Variants in SLC28A3 observed in about 807,000 individuals in gnomAD.
SLC28A3 encodes the protein concentrative Na(+)-nucleoside cotransporter 3.
A neutral mutation model predicts 84.2 loss-of-function variants in SLC28A3; 68 were observed. That is an observed-to-expected ratio of 0.81 (90% CI 0.66 to 0.99). The LOEUF (loss-of-function observed/expected upper bound fraction) is 0.99, where lower values mean the gene tolerates loss of function less well. Among genes scored for constraint, SLC28A3 ranks in the 50% least tolerant of loss-of-function variants. SLC28A3 has a pLI of 0.00. For synonymous variants in SLC28A3, 267 were observed against 303.6 expected (o/e 0.88, Z 1.25); for missense variants, 712 against 841.5 (o/e 0.85, Z 1.90).
chr9:84,358,360 T>TC, the SLC28A3 span, among the ~76,000 whole-genome samples: 7 of 151,842 alleles, frequency 4.6e-5, no homozygotes, highest in Admixed American at 2.0e-4. Context: ...CTTAACACCC[T>TC]CCCCCAACAA....
At chr9:84,325,847 A>C (rs1826528243) in intron 1 of SLC28A3, among the ~76,000 whole-genome samples, 1 of 152,138 alleles carries the variant, frequency 6.6e-6, no homozygotes, top group African/African-American at 2.4e-5. Context: ...AGAAATCTCT[A>C]TCTCCATTTT....
chr9:84,318,547 A>G (rs1022443660), intron 1 of SLC28A3, among the ~76,000 whole-genome samples: 8 of 152,180 alleles, frequency 5.3e-5, no homozygotes, highest in Non-Finnish European at 7.3e-5. Context: ...GAGTTTTAAG[A>G]AAGTTTAAAC....
chr9:84,328,587 C>CA (rs1300344070), intron 1 of SLC28A3, among the ~76,000 whole-genome samples: 1 of 151,970 alleles, frequency 6.6e-6, no homozygotes, highest in African/African-American at 2.4e-5. Flanking sequence ...GGTGAAACCC[C>CA]ATCTCTACTA....
chr9:84,285,895 A>AAGAT, intron 13 of SLC28A3, 48 bp downstream of exon 13: 1 of 1,573,058 alleles, frequency 6.4e-7, no homozygotes, highest in Non-Finnish European at 8.6e-7. Flanking sequence ...TTTTTAAACA[A>AAGAT]AGATAGGCAG....
intron 6 of SLC28A3, among the ~76,000 whole-genome samples, chr9:84,298,756 C>A (rs1825513485): frequency 6.6e-6 from 1 of 152,196 alleles, no homozygotes; most frequent in Non-Finnish European, 1.5e-5. Context: ...GTTGATCTGA[C>A]AACCTGTAAG....
chr9:84,305,241 C>G lies in SLC28A3; in HGVS notation c.334+13G>C. On this transcript the variant is annotated intron_variant, in intron 4 of 17. Coordinates refer to ENST00000376238, the MANE Select transcript of SLC28A3 (RefSeq NM_001199633.2). ...AAAAGACAGTGGTATCCCTAACCAT[C>G]TTTGTTATTTACCTGCTAATAAAAT... 1 of 1,563,326 alleles carries G rather than the reference C, an allele frequency of 6.4e-7. No individual in the cohort carries two copies. The highest frequency in any genetic ancestry group is 8.7e-7 in the Non-Finnish European group (1 of 1,143,114).
At chr9:84,335,175 T>G (rs1279620877) in intron 1 of SLC28A3, among the ~76,000 whole-genome samples, 2 of 152,182 alleles carry the variant, frequency 1.3e-5, no homozygotes, top group African/African-American at 4.8e-5. Flanking sequence ...GGAGTCAACT[T>G]AATTTCAACC....
At chr9:84,350,443 A>AAAATAAATAAATAAAT in the SLC28A3 span, among the ~76,000 whole-genome samples, 1 of 151,404 alleles carries the variant, frequency 6.6e-6, no homozygotes, top group African/African-American at 2.4e-5. Flanking sequence ...CCAGGTCTCA[A>AAAATAAATAAATAAAT]AAATAAATAA....
At chr9:84,299,842 G>T in intron 5 of SLC28A3, 117 bp from the exon 6 acceptor site, 2 of 1,169,116 alleles carry the variant, frequency 1.7e-6, no homozygotes, top group South Asian at 1.7e-5. Context: ...GCCCAGGCTG[G>T]AGTAGAATGG....
chr9:84,287,913 A>G, intron 12 of SLC28A3, 135 bp downstream of exon 12: 2 of 1,206,962 alleles, frequency 1.7e-6, no homozygotes, highest in Non-Finnish European at 2.3e-6. Flanking sequence ...TGTGAAGTCT[A>G]AATAGTCTTT....
intron 1 of SLC28A3, among the ~76,000 whole-genome samples, chr9:84,337,233 T>G (rs769969941): frequency 2.0e-5 from 3 of 152,212 alleles, no homozygotes; most frequent in African/African-American, 4.8e-5. Flanking sequence ...TCCTTCTCCT[T>G]GAGGGCAAGA....
intron 1 of SLC28A3, among the ~76,000 whole-genome samples, chr9:84,320,971 G>GA (rs58560056): frequency 0.44 from 56,747 of 128,290 alleles, 12,314 homozygotes; most frequent in African/African-American, 0.59. Flanking sequence ...CATCTCAAAA[G>GA]AAAAAAAAAA....
chr9:84,360,002 C>CAAA, the SLC28A3 span, among the ~76,000 whole-genome samples: 16 of 56,088 alleles, frequency 2.9e-4, no homozygotes, highest in African/African-American at 3.4e-4. Flanking sequence ...AACTCTGTCT[C>CAAA]AAAAAAAAAA....
the SLC28A3 span, among the ~76,000 whole-genome samples, chr9:84,353,906 T>C: frequency 3.4e-3 from 521 of 152,312 alleles, 2 homozygotes; most frequent in African/African-American, 0.012. Flanking sequence ...TCAAAACCAA[T>C]CATTCCAGGT....
At chr9:84,325,537 A>G (rs1210775653) in intron 1 of SLC28A3, among the ~76,000 whole-genome samples, 1 of 152,246 alleles carries the variant, frequency 6.6e-6, no homozygotes, top group Non-Finnish European at 1.5e-5. Context: ...TTGGTTTGCC[A>G]TTGTTTAATT....
chr9:84,356,767 G>A, the SLC28A3 span, among the ~76,000 whole-genome samples: 7 of 151,936 alleles, frequency 4.6e-5, no homozygotes, highest in Non-Finnish European at 1.0e-4. Flanking sequence ...GGAAGCAGAG[G>A]TTGCAGTGAG....
At chr9:84,316,240 C>G (rs976069865) in intron 1 of SLC28A3, among the ~76,000 whole-genome samples, 3 of 152,184 alleles carry the variant, frequency 2.0e-5, no homozygotes, top group African/African-American at 7.2e-5. Flanking sequence ...TTCTAGAACA[C>G]TGGAAATTTC....
chr9:84,332,918 T>C (rs900750211), intron 1 of SLC28A3, among the ~76,000 whole-genome samples: 1 of 152,182 alleles, frequency 6.6e-6, no homozygotes, highest in Non-Finnish European at 1.5e-5. Flanking sequence ...GGCTTCACAG[T>C]GGTAGAAGGT....
At chr9:84,288,886 G>C (rs1163485416) in intron 11 of SLC28A3, among the ~76,000 whole-genome samples, 1 of 152,086 alleles carries the variant, frequency 6.6e-6, no homozygotes, top group Non-Finnish European at 1.5e-5. Flanking sequence ...GAGGGGATGG[G>C]GAGTGGAGAA....
Sources: gnomAD v4.1 joint callset for allele counts (sites outside exome capture counted in the v4.1 genomes callset) on GRCh38, gnomAD v4.1.1 for gene constraint, MANE v1.5 for transcripts, NCBI Gene and HGNC (gene_info 2026-07-23, HGNC 2026-07-21) for gene names.